TMEM117: variants seen among roughly 807,000 people sequenced by gnomAD.
The protein encoded by TMEM117 is transmembrane protein 117.
A neutral mutation model predicts 52.4 loss-of-function variants in TMEM117; 27 were observed. The observed-to-expected ratio is 0.51, with a 90% CI of 0.38 to 0.71. TMEM117 has a LOEUF of 0.71. Among genes scored for constraint, TMEM117 ranks in the 30% least tolerant of loss-of-function variants. TMEM117 has a pLI of 0.00. For synonymous variants in TMEM117, 215 were observed against 206.3 expected, an observed-to-expected ratio of 1.04 and a Z score of -0.36; for missense variants, 556 against 630.5, an observed-to-expected ratio of 0.88 and a Z score of 1.26.
At chr12:44,050,435 C>T (rs1946952605) in intron 3 of TMEM117, among the ~76,000 whole-genome samples, 1 of 152,184 alleles carries the variant, frequency 6.6e-6, no homozygotes, top group African/African-American at 2.4e-5. Flanking sequence ...CCTCAGCCTC[C>T]CAAAGTGCTG....
chr12:44,206,742 T>G (rs1368957756), intron 4 of TMEM117, among the ~76,000 whole-genome samples: 1 of 152,152 alleles, frequency 6.6e-6, no homozygotes, highest in Non-Finnish European at 1.5e-5. Flanking sequence ...TATTCTAACT[T>G]ATAAGTGGCA....
intron 2 of TMEM117, among the ~76,000 whole-genome samples, chr12:43,889,556 A>G (rs1944063943): frequency 6.6e-6 from 1 of 152,244 alleles, no homozygotes; most frequent in Non-Finnish European, 1.5e-5. Flanking sequence ...CTAACAGGCC[A>G]TGGACCTGTA....
Position 44,374,162 on chromosome 12 carries a change from G to A in TMEM117, c.769-2433G>A, listed in dbSNP as rs115009343. 1.4e-3 allele frequency among the ~76,000 whole-genome samples: 206 copies of A among 152,172 alleles called. 2 individuals are homozygous for A. The highest frequency in any genetic ancestry group is 4.8e-3 in the African/African-American group (199 of 41,522). On this transcript the variant is annotated intron_variant, in intron 6 of 7. Coordinates refer to ENST00000266534, the MANE Select transcript of TMEM117 (RefSeq NM_032256.3). ...TATCATTATTACTTTTCTGCTCCAAGTCAAATTAGGCCAGAGTTTACACTC... is the reference window on the plus strand; with the variant it reads ...TATCATTATTACTTTTCTGCTCCAAATCAAATTAGGCCAGAGTTTACACTC...
intron 1 of TMEM117, among the ~76,000 whole-genome samples, chr12:43,838,636 G>T (rs1251325427): frequency 7.0e-6 from 1 of 143,144 alleles, no homozygotes; most frequent in East Asian, 2.0e-4. Flanking sequence ...TATCTATAGA[G>T]GGCCTACTAG....
At chr12:43,920,157 C>T (rs1044324161) in intron 2 of TMEM117, among the ~76,000 whole-genome samples, 2 of 152,128 alleles carry the variant, frequency 1.3e-5, no homozygotes, top group African/African-American at 4.8e-5. Context: ...TCTCTCCTTA[C>T]ACTCAACAGG....
At chr12:44,361,902 C>T (rs1335640161) in intron 6 of TMEM117, among the ~76,000 whole-genome samples, 2 of 152,126 alleles carry the variant, frequency 1.3e-5, no homozygotes, top group South Asian at 2.1e-4. Context: ...GTTCAACTCC[C>T]TTTCTAGACT....
chr12:44,291,377 T>G (rs1012423104), intron 5 of TMEM117, among the ~76,000 whole-genome samples: 2 of 141,216 alleles, frequency 1.4e-5, no homozygotes, highest in Non-Finnish European at 3.1e-5. Flanking sequence ...TCTAACAGTT[T>G]TTTTTTTTTT....
chr12:44,192,854 C>G (rs1201050859), intron 4 of TMEM117, among the ~76,000 whole-genome samples: 1 of 152,108 alleles, frequency 6.6e-6, no homozygotes, highest in Non-Finnish European at 1.5e-5. Context: ...AAATTGGGAA[C>G]ATAGTAATGC....
In TMEM117 at chr12:44,376,655, C is replaced by G; in HGVS notation, c.829C>G (p.Pro277Ala). 1 of 1,612,532 alleles carries G rather than the reference C, an allele frequency of 6.2e-7. No individual in the cohort carries two copies. Among genetic ancestry groups the G allele is most frequent in the Non-Finnish European group, 8.5e-7 (1 of 1,179,316 alleles). ...TGTAAATCTCCCTGGTTTGCACACC[C>G]CTCACATGCAGTTCAAGATTCCTTT... ...VDVNLPGLHT[P>A]HMQFKIPFFQ... Residue 277 changes from proline to alanine, a missense_variant, in exon 7 of 8, where the codon CCT becomes GCT. By Grantham distance (27) the Pro-to-Ala change is conservative (BLOSUM62 -1). Around this residue, in one of 3 missense-constraint regions of TMEM117, gnomAD observed 328 missense variants for 371.4 expected, o/e 0.88. Coordinates refer to ENST00000266534, the MANE Select transcript of TMEM117 (RefSeq NM_032256.3).
At chr12:44,311,851 ATATATGTATATATATGTATATATATG>A (rs1565701764) in intron 6 of TMEM117, among the ~76,000 whole-genome samples, 20 of 120,054 alleles carry the variant, frequency 1.7e-4, no homozygotes, top group East Asian at 8.5e-4. Context: ...ATATATATGT[ATATATGTATATATATGTATATATATG>A]TATATATGTA....
intron 2 of TMEM117, among the ~76,000 whole-genome samples, chr12:43,878,143 T>A: frequency 6.7e-6 from 1 of 149,714 alleles, no homozygotes; most frequent in Non-Finnish European, 1.5e-5. Context: ...CCACTCTGAC[T>A]TTTCTGCAGC....
Position 44,388,356 on chromosome 12 carries a change from T to G in TMEM117, c.1229T>G (p.Phe410Cys). The G allele has an allele frequency of 6.2e-7, 1 of 1,613,540 alleles. No homozygotes were observed. The highest frequency in any genetic ancestry group is 8.5e-7 in the Non-Finnish European group (1 of 1,179,660). The change falls in exon 8 of 8, where the codon TTT becomes TGT. Residue 410 changes from phenylalanine to cysteine, a missense_variant. Around this residue, in one of 3 missense-constraint regions of TMEM117, gnomAD observed 206 missense variants for 211.1 expected, o/e 0.98. Transcript: ENST00000266534. ...SLIAFVWFGF[F>C]IWFFGRFLKN... ...ATAGCCTTTGTGTGGTTTGGATTCT[T>G]TATTTGGTTCTTTGGACGATTTTTG...
chr12:44,295,557 A>G lies in TMEM117; in HGVS notation c.609-4023A>G, dbSNP rs564376467. Among the ~76,000 whole-genome samples the G allele has an allele frequency of 3.2e-3, 492 of 151,948 alleles. 4 individuals are homozygous for G. The highest frequency in any genetic ancestry group is 0.012 in the African/African-American group (481 of 41,450). ...TTAATTGTCATTCCTCTAACTGGCT[A>G]ATTTCATGTGACCTGTCTTTAAGTT... On this transcript the variant is annotated intron_variant, in intron 5 of 7. Transcript: ENST00000266534.
At chr12:44,114,889 G>A (rs1948110706) in intron 3 of TMEM117, among the ~76,000 whole-genome samples, 1 of 151,974 alleles carries the variant, frequency 6.6e-6, no homozygotes, top group Non-Finnish European at 1.5e-5. Context: ...TTCTAGTTTG[G>A]TGTTTTTAAA....
intron 5 of TMEM117, among the ~76,000 whole-genome samples, chr12:44,298,568 C>T (rs1415600520): frequency 6.6e-6 from 1 of 150,746 alleles, no homozygotes; most frequent in Non-Finnish European, 1.5e-5. Context: ...GCATTAAAGA[C>T]TAATTTGAGT....
intron 4 of TMEM117, among the ~76,000 whole-genome samples, chr12:44,187,057 T>C (rs1174673730): frequency 6.6e-6 from 1 of 152,188 alleles, no homozygotes; most frequent in Non-Finnish European, 1.5e-5. Flanking sequence ...TATTTAGCCA[T>C]CCTTACTTAA....
chr12:43,804,128 CTT>C, the TMEM117 span: 3 of 337,214 alleles, frequency 8.9e-6, no homozygotes, highest in South Asian at 4.6e-5. Context: ...TAAAAACAAA[CTT>C]AATTGAATAA....
intron 5 of TMEM117, among the ~76,000 whole-genome samples, chr12:44,289,302 C>A (rs1186343790): frequency 1.3e-5 from 2 of 149,114 alleles, no homozygotes; most frequent in Non-Finnish European, 3.0e-5. Context: ...TTAATAGGTA[C>A]TTAGGTTGGT....
At chr12:44,383,203 C>T (rs1211661478) in intron 7 of TMEM117, among the ~76,000 whole-genome samples, 1 of 151,970 alleles carries the variant, frequency 6.6e-6, no homozygotes, top group African/African-American at 2.4e-5. Flanking sequence ...CTAACTGGCA[C>T]CTCTGCAGAG....
Sources: gnomAD v4.1 joint callset for allele counts (sites outside exome capture counted in the v4.1 genomes callset) on GRCh38, gnomAD v4.1.1 for gene constraint, gnomAD v4.1.1 regional missense constraint, MANE v1.5 for transcripts, NCBI Gene and HGNC (gene_info 2026-07-23, HGNC 2026-07-21) for gene names.